PPP1R17: variants seen among roughly 807,000 people sequenced by gnomAD.
The protein encoded by PPP1R17 is G-substrate.
PPP1R17 carries 12 observed loss-of-function variants against 15.9 expected under a neutral mutation model. That is an observed-to-expected ratio of 0.75 (90% CI 0.48 to 1.22). The LOEUF (loss-of-function observed/expected upper bound fraction) is 1.22. Ranked by LOEUF, PPP1R17 falls within the 50% of genes most tolerant of loss-of-function variation. The pLI, the probability that PPP1R17 is intolerant of heterozygous loss-of-function variation, is 0.00. For missense variants in PPP1R17, 211 were observed against 187.3 expected (o/e 1.13, Z -0.74); for synonymous variants, 63 against 64.5 (o/e 0.98, Z 0.11).
chr7:31,703,364 T>A (rs1261339642), intron 4 of PPP1R17, among the ~76,000 whole-genome samples: 1 of 152,166 alleles, frequency 6.6e-6, no homozygotes, highest in Non-Finnish European at 1.5e-5. Context: ...TACATCCCAA[T>A]ATCTACATCC....
intron 1 of PPP1R17, 43 bp from the exon 2 acceptor site, chr7:31,692,363 T>C (rs1263006060): frequency 2.6e-6 from 3 of 1,155,902 alleles, no homozygotes; most frequent in Admixed American, 4.0e-5. Flanking sequence ...AATGAATGAA[T>C]AAACAGAGCC....
intron 4 of PPP1R17, among the ~76,000 whole-genome samples, chr7:31,702,017 T>C (rs778922371): frequency 1.3e-5 from 2 of 152,138 alleles, no homozygotes; most frequent in Admixed American, 6.6e-5. Context: ...TGTAATAAAA[T>C]TTTTTAGAAG....
chr7:31,688,474 C>A (rs1364122478), intron 1 of PPP1R17, among the ~76,000 whole-genome samples: 1 of 152,232 alleles, frequency 6.6e-6, no homozygotes, highest in African/African-American at 2.4e-5. Context: ...ACACACTGAA[C>A]CAACTAATGT....
intron 1 of PPP1R17, among the ~76,000 whole-genome samples, chr7:31,687,631 A>G (rs530124227): frequency 2.6e-4 from 39 of 152,350 alleles, no homozygotes; most frequent in South Asian, 1.0e-3. Context: ...ATGCTTCTCA[A>G]AACACATTCT....
chr7:31,707,404 C>T lies in PPP1R17; in HGVS notation c.*121C>T, dbSNP rs1562707888. The T allele has an allele frequency of 1.3e-6, 1 of 775,184 alleles. No homozygotes were observed. The highest frequency in any genetic ancestry group is 1.8e-5 in the African/African-American group (1 of 56,618). The allele number at this position is 775,184 out of a possible 1,614,324, so 48.0% of individuals were successfully genotyped here. On this transcript the variant is annotated 3_prime_UTR_variant, in exon 5 of 5. Coordinates refer to ENST00000342032, the MANE Select transcript of PPP1R17 (RefSeq NM_006658.5). ...ATCGTCTGACTTGAAGATTCAGACA[C>T]CTTCTCCCCAGGAGATGTATGCCAT...
At chr7:31,692,048 T>G (rs1792377100) in intron 1 of PPP1R17, among the ~76,000 whole-genome samples, 1 of 152,144 alleles carries the variant, frequency 6.6e-6, no homozygotes, top group South Asian at 2.1e-4. Context: ...AGAAAAAACA[T>G]AGGCAAGGTT....
chr7:31,693,280 G>T (rs750720826), intron 2 of PPP1R17, among the ~76,000 whole-genome samples: 7 of 152,176 alleles, frequency 4.6e-5, no homozygotes, highest in South Asian at 2.1e-4. Flanking sequence ...TTGAATTGTA[G>T]CCCATGACAG....
At chr7:31,689,048 G>T (rs1792225758) in intron 1 of PPP1R17, among the ~76,000 whole-genome samples, 1 of 152,196 alleles carries the variant, frequency 6.6e-6, no homozygotes, top group South Asian at 2.1e-4. Flanking sequence ...AATAATGGAT[G>T]TGACTGCTGG....
chr7:31,698,775 T>C (rs1347658984), intron 4 of PPP1R17, among the ~76,000 whole-genome samples: 1 of 152,196 alleles, frequency 6.6e-6, no homozygotes, highest in Non-Finnish European at 1.5e-5. Context: ...GAATGGGAGA[T>C]AGAAATTGCT....
chr7:31,693,879 T>C (rs1214449402), intron 2 of PPP1R17, among the ~76,000 whole-genome samples: 1 of 152,220 alleles, frequency 6.6e-6, no homozygotes, highest in Non-Finnish European at 1.5e-5. Flanking sequence ...CAATTACTCT[T>C]TTAAAATTTC....
chr7:31,706,307 G>C (rs916257921), intron 4 of PPP1R17, among the ~76,000 whole-genome samples: 5 of 151,878 alleles, frequency 3.3e-5, no homozygotes, highest in Non-Finnish European at 7.4e-5. Flanking sequence ...ACCCGGCCCA[G>C]TAAATTTTTA....
chr7:31,700,638 T>C (rs1222967011), intron 4 of PPP1R17, among the ~76,000 whole-genome samples: 3 of 152,166 alleles, frequency 2.0e-5, no homozygotes, highest in African/African-American at 7.2e-5. Context: ...ATCTAGGCCA[T>C]TCATAGCTGG....
chr7:31,702,064 A>G (rs1792871167), intron 4 of PPP1R17, among the ~76,000 whole-genome samples: 1 of 152,210 alleles, frequency 6.6e-6, no homozygotes, highest in South Asian at 2.1e-4. Flanking sequence ...TGTATAACCC[A>G]GATCTGATCT....
intron 2 of PPP1R17, among the ~76,000 whole-genome samples, 156 bp downstream of exon 2, chr7:31,692,679 G>A (rs143415995): frequency 4.3e-4 from 66 of 152,336 alleles, no homozygotes; most frequent in African/African-American, 1.5e-3. Context: ...CAGGCAAATA[G>A]CCATGGGTCT....
At chr7:31,702,135 G>C (rs1792874016) in intron 4 of PPP1R17, among the ~76,000 whole-genome samples, 1 of 151,766 alleles carries the variant, frequency 6.6e-6, no homozygotes, top group Admixed American at 6.6e-5. Flanking sequence ...TCATTCTACA[G>C]GTTATGCTAT....
At chr7:31,698,887 A>G (rs1322776751) in intron 4 of PPP1R17, among the ~76,000 whole-genome samples, 1 of 152,202 alleles carries the variant, frequency 6.6e-6, no homozygotes, top group Non-Finnish European at 1.5e-5. Context: ...AACTGAGCAG[A>G]GTAGTTGAGG....
At chr7:31,700,032 A>G (rs1407893261) in intron 4 of PPP1R17, among the ~76,000 whole-genome samples, 1 of 152,096 alleles carries the variant, frequency 6.6e-6, no homozygotes, top group African/African-American at 2.4e-5. Flanking sequence ...CAATAACCCT[A>G]CAGGGGCCCC....
In PPP1R17 at chr7:31,695,388, T is replaced by C; in HGVS notation, c.83-81T>C. 5.4e-6 allele frequency: 7 copies of C among 1,308,276 alleles called. No homozygotes were observed. In the South Asian group the frequency reaches 1.1e-4, roughly 20 times the overall value. The allele number at this position is 1,308,276 out of a possible 1,614,324, so 81.0% of individuals were successfully genotyped here. On this transcript the variant is annotated intron_variant, in intron 2 of 4. Coordinates refer to ENST00000342032, the MANE Select transcript of PPP1R17 (RefSeq NM_006658.5). ...AAATCACCTCTGTCCTGTCATCAAG[T>C]GCAATTAGGAACCAAACAGTTTGTG...
intron 4 of PPP1R17, 119 bp from the exon 5 acceptor site, chr7:31,707,085 C>T: frequency 2.3e-6 from 2 of 851,232 alleles, no homozygotes; most frequent in Non-Finnish European, 3.6e-6. Context: ...TAGCAGGTAA[C>T]CTTGTAGACA....
Sources: gnomAD v4.1 joint callset for allele counts (sites outside exome capture counted in the v4.1 genomes callset) on GRCh38, gnomAD v4.1.1 for gene constraint, MANE v1.5 for transcripts, NCBI Gene and HGNC (gene_info 2026-07-23, HGNC 2026-07-21) for gene names.